GPM6A: variants seen among roughly 807,000 people sequenced by gnomAD.
GPM6A encodes the protein neuronal membrane glycoprotein M6-a.
GPM6A carries 7 observed loss-of-function variants against 32.1 expected under a neutral mutation model. The ratio of observed to expected loss-of-function variants is 0.22; its 90% CI spans 0.12 to 0.41. GPM6A has a LOEUF of 0.41. Among genes scored for constraint, GPM6A ranks in the 10% least tolerant of loss-of-function variants. The pLI is 1.00. For synonymous variants in GPM6A, 130 were observed against 123.4 expected (o/e 1.05, Z -0.35); for missense variants, 235 against 347.2 (o/e 0.68, Z 2.57).
chr4:175,738,080 G>A (rs1016069384), intron 1 of GPM6A, among the ~76,000 whole-genome samples: 39 of 152,210 alleles, frequency 2.6e-4, no homozygotes, highest in African/African-American at 8.9e-4. Flanking sequence ...TGGGACCACA[G>A]GCATGTGCCA....
intron 1 of GPM6A, chr4:175,971,056 A>G (rs1374800636): frequency 3.4e-6 from 1 of 297,388 alleles, no homozygotes; most frequent in Non-Finnish European, 6.5e-6. Context: ...CAGACCCCAG[A>G]AAAGGTGCAA....
intron 1 of GPM6A, among the ~76,000 whole-genome samples, chr4:175,726,484 T>C (rs1013053109): frequency 6.6e-6 from 1 of 152,260 alleles, no homozygotes; most frequent in Admixed American, 6.5e-5. Context: ...TTTTTGTGTT[T>C]ATGTTTTTGA....
At chr4:175,651,791 A>G in intron 4 of GPM6A, 43 bp downstream of exon 4, 1 of 1,513,148 alleles carries the variant, frequency 6.6e-7, no homozygotes, top group South Asian at 1.2e-5. Context: ...GTAACACAAT[A>G]TGGGATGGTG....
rs559891472 is a variant in GPM6A at position 175,656,777 on chromosome 4, G to C, written c.388-4790C>G. ...ACTTTCTGTGGCAACTTCAGCAGATGTGCACCAGTAGAGGTAAAAATAACA... is the reference window on the plus strand; with the variant it reads ...ACTTTCTGTGGCAACTTCAGCAGATCTGCACCAGTAGAGGTAAAAATAACA... On this transcript the variant is annotated intron_variant, in intron 3 of 6. Transcript: ENST00000393658. Among the ~76,000 whole-genome samples the C allele has an allele frequency of 1.4e-4, 22 of 152,284 alleles. 1 individual carries two copies. The South Asian group carries it at 4.3e-3, about 30-fold the overall frequency.
chr4:175,972,730 A>G (rs150386403), intron 1 of GPM6A, among the ~76,000 whole-genome samples: 67 of 152,210 alleles, frequency 4.4e-4, no homozygotes, highest in African/African-American at 1.6e-3. Context: ...TGCTTGATGC[A>G]TGCTTTTTAG....
chr4:175,944,174 A>T lies in GPM6A; in HGVS notation c.-23+58135T>A, dbSNP rs189174488. Among the ~76,000 whole-genome samples, 14 of 152,330 alleles carry T rather than the reference A, an allele frequency of 9.2e-5. 1 individual carries two copies. The highest frequency in any genetic ancestry group is 3.4e-4 in the African/African-American group (14 of 41,588). Reference sequence around the variant, plus strand: ...TTCATTTCGATAACAAGTAGCAGACAATAATAGATTTAAAATTATGTACCA... The same window carrying T: ...TTCATTTCGATAACAAGTAGCAGACTATAATAGATTTAAAATTATGTACCA... On this transcript the variant is annotated intron_variant, in intron 1 of 7. Transcript: ENST00000280187.
chr4:175,673,821 C>T lies in GPM6A; in HGVS notation c.246G>A (p.Lys82=), dbSNP rs1486691093. 2.5e-6 allele frequency: 4 copies of T among 1,599,966 alleles called. No individual in the cohort carries two copies. The highest frequency in any genetic ancestry group is 1.3e-5 in the African/African-American group (1 of 74,802). Residue 82 remains lysine (K), a synonymous_variant, in exon 3 of 7, where the codon AAG becomes AAA. Coordinates refer to ENST00000393658, the MANE Select transcript of GPM6A (RefSeq NM_201591.3). ...LDVFTMIDIF[K]YVIYGIAAAF... ...CAGCTGCGATGCCGTAGATCACATA[C>T]TTAAAGATGTCAATCCTGAGAGAAA...
intron 2 of GPM6A, among the ~76,000 whole-genome samples, chr4:175,685,372 T>C (rs1316745630): frequency 6.6e-6 from 1 of 152,232 alleles, no homozygotes; most frequent in Non-Finnish European, 1.5e-5. Context: ...TTTTACATCT[T>C]TGAGGAGTGT....
intron 1 of GPM6A, among the ~76,000 whole-genome samples, chr4:175,913,082 G>A (rs982405445): frequency 3.3e-5 from 5 of 152,138 alleles, no homozygotes; most frequent in Non-Finnish European, 7.3e-5. Flanking sequence ...TTCTGCATGA[G>A]TAAGATTATA....
At chr4:175,756,170 A>C (rs1732517312) in intron 1 of GPM6A, among the ~76,000 whole-genome samples, 1 of 152,032 alleles carries the variant, frequency 6.6e-6, no homozygotes, top group Admixed American at 6.6e-5. Context: ...GTAAGACTTA[A>C]GGAAAGAAGA....
chr4:175,846,814 C>A (rs1055881632), intron 1 of GPM6A, among the ~76,000 whole-genome samples: 1 of 151,958 alleles, frequency 6.6e-6, no homozygotes, highest in Non-Finnish European at 1.5e-5. Context: ...TAAAAATATA[C>A]AGATCTTGCT....
chr4:175,726,799 G>T (rs6820648), intron 1 of GPM6A, among the ~76,000 whole-genome samples: 85,505 of 152,000 alleles, frequency 0.56, 24,311 homozygotes, highest in Non-Finnish European at 0.61. Context: ...AGTTTGAGAC[G>T]AGCCCAGCCA....
rs1316060845 is a variant in GPM6A at position 175,866,249 on chromosome 4, C to T, written c.-22-54000G>A. ...ACATTTCCCACCAGAATGGCATGCT[C>T]ATTACAACTGATGAGCCCACATTAA... On this transcript the variant is annotated intron_variant, in intron 1 of 7. Transcript: ENST00000280187. 2.6e-5 allele frequency among the ~76,000 whole-genome samples: 4 copies of T among 152,234 alleles called. No individual in the cohort carries two copies. In the East Asian group the frequency reaches 7.7e-4, roughly 29 times the overall value.
intron 1 of GPM6A, among the ~76,000 whole-genome samples, chr4:175,897,154 T>C (rs184432588): frequency 8.2e-4 from 124 of 152,102 alleles, no homozygotes; most frequent in Admixed American, 2.0e-3. Flanking sequence ...TTAGGAAATG[T>C]AGGAAGCTGG....
chr4:175,647,943 C>T (rs576737331), intron 4 of GPM6A, among the ~76,000 whole-genome samples: 11 of 152,158 alleles, frequency 7.2e-5, no homozygotes, highest in Middle Eastern at 3.4e-3. Context: ...GTAAAGGCTG[C>T]ATGACATCTA....
chr4:175,945,747 A>G (rs1739578227), intron 1 of GPM6A, among the ~76,000 whole-genome samples: 6 of 151,880 alleles, frequency 4.0e-5, no homozygotes, highest in Admixed American at 6.6e-5. Flanking sequence ...CATATTACTT[A>G]CAACTCAGTA....
At chr4:175,778,719 A>T (rs1282529333) in intron 1 of GPM6A, among the ~76,000 whole-genome samples, 1 of 149,892 alleles carries the variant, frequency 6.7e-6, no homozygotes, top group Admixed American at 6.6e-5. Flanking sequence ...CTTATTAAAG[A>T]TGCCTCAAAT....
intron 1 of GPM6A, among the ~76,000 whole-genome samples, chr4:175,850,150 C>A (rs913784981): frequency 1.2e-4 from 18 of 152,258 alleles, no homozygotes; most frequent in African/African-American, 4.1e-4. Context: ...TTCTTTCATT[C>A]TTTCCAAATT....
chr4:175,871,230 T>C (rs1370189671), intron 1 of GPM6A, among the ~76,000 whole-genome samples: 1 of 151,952 alleles, frequency 6.6e-6, no homozygotes, highest in Non-Finnish European at 1.5e-5. Flanking sequence ...GCACTTTGGG[T>C]TGCTGAGGCA....
Sources: allele counts gnomAD v4.1 joint callset (sites outside exome capture counted in the v4.1 genomes callset), GRCh38; gene constraint gnomAD v4.1.1; transcripts MANE v1.5; gene names NCBI Gene and HGNC (gene_info 2026-07-23, HGNC 2026-07-21).